The following AVL9 variants were observed in gnomAD, a reference collection of about 807,000 sequenced individuals.
AVL9 encodes the protein late secretory pathway protein AVL9 homolog.
Under a neutral mutation model 79.2 loss-of-function variants are expected in AVL9, and 49 were observed. That is an observed-to-expected ratio of 0.62 (90% CI 0.49 to 0.79). The LOEUF (loss-of-function observed/expected upper bound fraction) is 0.79. Ranked by LOEUF, AVL9 falls within the 30% of genes least tolerant of loss-of-function variation. The pLI, the probability that AVL9 is intolerant of heterozygous loss-of-function variation, is 0.00. For missense variants in AVL9, 682 were observed against 776.8 expected, an observed-to-expected ratio of 0.88 and a Z score of 1.45; for synonymous variants, 299 against 280.6, an observed-to-expected ratio of 1.07 and a Z score of -0.65.
intron 1 of AVL9, among the ~76,000 whole-genome samples, chr7:32,530,970 GTTTA>G (rs1337324195): frequency 6.6e-6 from 1 of 151,978 alleles, no homozygotes. Context: ...AAAAAAAAGA[GTTTA>G]TTTAAGAACA....
chr7:32,503,803 C>T (rs1787291114), intron 1 of AVL9, among the ~76,000 whole-genome samples: 1 of 152,080 alleles, frequency 6.6e-6, no homozygotes, highest in Non-Finnish European at 1.5e-5. Flanking sequence ...CTGCCTCAGC[C>T]TCCCGAGTAG....
intron 1 of AVL9, among the ~76,000 whole-genome samples, chr7:32,496,532 A>T (rs1028338151): frequency 6.6e-6 from 1 of 152,252 alleles, no homozygotes; most frequent in African/African-American, 2.4e-5. Flanking sequence ...CTGAAATGGA[A>T]TATTTGCAAT....
rs191409348 is a variant in AVL9 at position 32,514,466 on chromosome 7, C to G, written c.93+18664C>G. On this transcript the variant is annotated intron_variant, in intron 1 of 15. Transcript: ENST00000318709. Reference sequence around the variant, plus strand: ...CCTCTGAGCCCAAGCCAAGCCATCGCATCCCCTGTGACTTGCACGTATATG... The same window carrying G: ...CCTCTGAGCCCAAGCCAAGCCATCGGATCCCCTGTGACTTGCACGTATATG... Among the ~76,000 whole-genome samples, 30 of 152,352 alleles carry G rather than the reference C, an allele frequency of 2.0e-4. No homozygotes were observed. The East Asian group carries it at 5.8e-3, about 29-fold the overall frequency.
chr7:32,552,315 G>A lies in AVL9; in HGVS notation c.529+20G>A. 4 of 1,486,656 alleles carry A rather than the reference G, an allele frequency of 2.7e-6. No homozygotes were observed. Among genetic ancestry groups the A allele is most frequent in the Non-Finnish European group, 3.7e-6 (4 of 1,070,460 alleles). The allele number at this position is 1,486,656 out of a possible 1,614,324, so 92.1% of individuals were successfully genotyped here. ...ATCTTGGTAAGTAACTGACTTACAA[G>A]TTAAAAGAGATCCCCTCATTTCTAT... On this transcript the variant is annotated intron_variant, in intron 6 of 15. Transcript: ENST00000318709.
chr7:32,543,040 C>T (rs1789289372), intron 1 of AVL9, 101 bp from the exon 2 acceptor site: 1 of 1,467,500 alleles, frequency 6.8e-7, no homozygotes, highest in Non-Finnish European at 9.3e-7. Context: ...TGTGGCTTAT[C>T]CCGACTTCTG....
Position 32,558,798 on chromosome 7 carries a change from CTTTT to C in AVL9, c.680-129_680-126del, listed in dbSNP as rs1790197298. 31 of 1,059,386 alleles carry C rather than the reference CTTTT, an allele frequency of 2.9e-5. No individual in the cohort carries two copies. In the South Asian group the frequency reaches 4.9e-4, roughly 17 times the overall value. The allele number at this position is 1,059,386 out of a possible 1,614,324, so 65.6% of individuals were successfully genotyped here. ...TCTTTTGTCTGGGCTTCTTTCTGTT[CTTTT>C]TGTTTTTAATTAAAATGTGTACAAG... On this transcript the variant is annotated intron_variant, in intron 9 of 15. Transcript: ENST00000318709.
rs1355081061 is a variant in AVL9 at position 32,575,984 on chromosome 7, A to C, written c.1600A>C (p.Thr534Pro). The C allele has an allele frequency of 6.2e-7, 1 of 1,613,748 alleles. No homozygotes were observed. The change falls in exon 13 of 16, where the codon ACA becomes CCA. Residue 534 changes from threonine to proline, a missense_variant. By Grantham distance (38) the Thr-to-Pro change is conservative (BLOSUM62 -1). Transcript: ENST00000318709. ...DNEKILSDYG[T>P]TFVTAWKNTH... Reference sequence around the variant, plus strand: ...TGAAAAGATATTATCGGACTATGGGACAACTTTTGTTACAGCATGGAAGAA... The same window carrying C: ...TGAAAAGATATTATCGGACTATGGGCCAACTTTTGTTACAGCATGGAAGAA...
chr7:32,570,195 C>T (rs776303424), intron 11 of AVL9, 41 bp downstream of exon 11: 8 of 1,608,650 alleles, frequency 5.0e-6, no homozygotes, highest in Non-Finnish European at 5.9e-6. Context: ...CCCTGCTCAT[C>T]CCAGTTTTCC....
intron 1 of AVL9, among the ~76,000 whole-genome samples, chr7:32,519,152 G>T (rs1788031362): frequency 1.3e-5 from 2 of 152,212 alleles, no homozygotes; most frequent in Non-Finnish European, 2.9e-5. Flanking sequence ...GGCTTGGCCG[G>T]GCATGGTGGC....
At chr7:32,547,676 A>G (rs542608306) in intron 3 of AVL9, among the ~76,000 whole-genome samples, 2 of 152,340 alleles carry the variant, frequency 1.3e-5, no homozygotes, top group African/African-American at 4.8e-5. Flanking sequence ...ATAATAGGCA[A>G]TAGAAGCAGA....
chr7:32,562,697 G>T (rs762210989), intron 10 of AVL9: 30 of 796,556 alleles, frequency 3.8e-5, no homozygotes, highest in Non-Finnish European at 4.6e-5. Flanking sequence ...AGGTGGGGAG[G>T]ATTGCTTGAA....
chr7:32,562,961 G>A (rs1226767606), intron 10 of AVL9, among the ~76,000 whole-genome samples: 1 of 152,166 alleles, frequency 6.6e-6, no homozygotes, highest in African/African-American at 2.4e-5. Context: ...CACTGATGCT[G>A]AGTCACTTAC....
At chr7:32,566,628 C>T (rs1323702290) in intron 10 of AVL9, among the ~76,000 whole-genome samples, 1 of 151,930 alleles carries the variant, frequency 6.6e-6, no homozygotes, top group Non-Finnish European at 1.5e-5. Flanking sequence ...CCTGTAATCC[C>T]AACACTTTGG....
rs752429532 is a variant in AVL9, at chr7:32,585,523, TG to T, written c.*1619del. On this transcript the variant is annotated 3_prime_UTR_variant, in exon 16 of 16. Transcript: ENST00000318709. ...CTGCCTTTTAGTAACAAGGGATACTTGGGAAATACATTGTGAGTATGATCTA... is the reference window on the plus strand; with the variant it reads ...CTGCCTTTTAGTAACAAGGGATACTTGGAAATACATTGTGAGTATGATCTA... The T allele has an allele frequency of 9.9e-5, 15 of 152,218 alleles. No individual in the cohort carries two copies. The highest frequency in any genetic ancestry group is 1.5e-4 in the Non-Finnish European group (10 of 68,042). 9.4% of individuals were successfully genotyped at this position (152,218 alleles called of 1,614,324 possible). A position where few individuals can be genotyped will look rare whatever the true frequency, so the allele number is the denominator to read the frequency against.
intron 1 of AVL9, chr7:32,534,793 T>A (rs1000035971): frequency 1.3e-5 from 2 of 151,872 alleles, no homozygotes; most frequent in Non-Finnish European, 2.9e-5. Flanking sequence ...GAAAAAAATA[T>A]AAAAATTAGC....
chr7:32,504,910 G>T (rs1787337356), intron 1 of AVL9, among the ~76,000 whole-genome samples: 1 of 151,958 alleles, frequency 6.6e-6, no homozygotes, highest in Non-Finnish European at 1.5e-5. Flanking sequence ...GTCTCGCTCT[G>T]TCACCCAGGC....
chr7:32,543,024 A>G (rs1384282236), intron 1 of AVL9, 117 bp from the exon 2 acceptor site: 53 of 1,303,198 alleles, frequency 4.1e-5, no homozygotes, highest in Non-Finnish European at 5.6e-5. Context: ...AAATGACATT[A>G]TACAGTGTGG....
intron 1 of AVL9, among the ~76,000 whole-genome samples, chr7:32,541,210 T>A (rs1385421472): frequency 6.6e-6 from 1 of 152,032 alleles, no homozygotes; most frequent in African/African-American, 2.4e-5. Flanking sequence ...CTGTACTACT[T>A]TTTTTAGAAT....
chr7:32,501,131 A>G (rs1787111288), intron 1 of AVL9, among the ~76,000 whole-genome samples: 1 of 152,202 alleles, frequency 6.6e-6, no homozygotes, highest in Non-Finnish European at 1.5e-5. Context: ...TGCATTGCAA[A>G]TTTAGAAATG....
Sources: gnomAD v4.1 joint callset for allele counts (sites outside exome capture counted in the v4.1 genomes callset) on GRCh38, gnomAD v4.1.1 for gene constraint, MANE v1.5 for transcripts, NCBI Gene and HGNC (gene_info 2026-07-23, HGNC 2026-07-21) for gene names.